DYM: variants seen among roughly 807,000 people sequenced by gnomAD.
DYM encodes dymeclin.
Under a neutral mutation model 93.1 loss-of-function variants are expected in DYM, and 78 were observed. That is an observed-to-expected ratio of 0.84 (90% CI 0.70 to 1.01). The LOEUF (loss-of-function observed/expected upper bound fraction) is 1.01. Among genes scored for constraint, DYM ranks in the 50% least tolerant of loss-of-function variants. The probability of loss-of-function intolerance (pLI) is 0.00; values close to 1 mark genes in which losing one functional copy is unlikely to be tolerated. For synonymous variants in DYM, 321 were observed against 319.7 expected, an observed-to-expected ratio of 1.00 and a Z score of -0.04; for missense variants, 789 against 845.0, an observed-to-expected ratio of 0.93 and a Z score of 0.82.
rs1357308259 is a variant in DYM, at chr18:49,040,419, G to A, written c.*3636C>T. On this transcript the variant is annotated 3_prime_UTR_variant, in exon 18 of 18. Transcript: ENST00000675505. ...GAGTGGGAACTCTGAATAGCTATAC[G>A]CTAATGAGATTAAATTTTATGCTTT... Among the ~76,000 whole-genome samples, 1 of 152,172 alleles carries A rather than the reference G, an allele frequency of 6.6e-6. No homozygotes were observed. Among genetic ancestry groups the A allele is most frequent in the East Asian group, 1.9e-4 (1 of 5,202 alleles).
chr18:49,103,029 C>G (rs1264324515), intron 16 of DYM, among the ~76,000 whole-genome samples: 1 of 152,218 alleles, frequency 6.6e-6, no homozygotes, highest in Admixed American at 6.5e-5. Context: ...TACAGTCCCA[C>G]CAACAGTGTA....
Position 49,063,346 on chromosome 18 carries a change from C to A in DYM, c.2026-19142G>T, listed in dbSNP as rs567278471. Among the ~76,000 whole-genome samples, 9 of 149,676 alleles carry A rather than the reference C, an allele frequency of 6.0e-5. No homozygotes were observed. In the South Asian group the frequency reaches 1.9e-3, roughly 32 times the overall value. ...TTTTAAATCCATGCCTAAAGAATTTCCCTCTTACTAAAAACCTTGGGAAAT... is the reference window on the plus strand; with the variant it reads ...TTTTAAATCCATGCCTAAAGAATTTACCTCTTACTAAAAACCTTGGGAAAT... On this transcript the variant is annotated intron_variant, in intron 17 of 17. Coordinates refer to ENST00000675505, the MANE Select transcript of DYM (RefSeq NM_001353214.3).
intron 11 of DYM, among the ~76,000 whole-genome samples, chr18:49,261,380 T>A (rs2094487624): frequency 6.6e-6 from 1 of 152,212 alleles, no homozygotes; most frequent in African/African-American, 2.4e-5. Context: ...GTAAAAAATA[T>A]AAAAGTTTGG....
intron 10 of DYM, 110 bp downstream of exon 10, chr18:49,281,887 G>A (rs2094989264): frequency 1.9e-6 from 2 of 1,043,746 alleles, no homozygotes; most frequent in African/African-American, 3.2e-5. Flanking sequence ...ACACCAACAT[G>A]GCACATGTAT....
intron 17 of DYM, among the ~76,000 whole-genome samples, chr18:49,059,008 A>G (rs2075733847): frequency 1.3e-5 from 2 of 152,238 alleles, no homozygotes; most frequent in Admixed American, 1.3e-4. Context: ...AGGAAGACAG[A>G]ATGATGTGCT....
intron 8 of DYM, among the ~76,000 whole-genome samples, chr18:49,311,588 G>A (rs989682672): frequency 3.0e-4 from 45 of 152,208 alleles, no homozygotes; most frequent in Admixed American, 2.2e-3. Flanking sequence ...GGACATCGAT[G>A]AAGCTGGAAA....
intron 16 of DYM, among the ~76,000 whole-genome samples, chr18:49,098,870 G>C (rs1370568903): frequency 6.6e-6 from 1 of 152,106 alleles, no homozygotes; most frequent in African/African-American, 2.4e-5. Context: ...AAAACATATT[G>C]TAATAGATTA....
chr18:49,134,296 C>T (rs1005707541), intron 15 of DYM, among the ~76,000 whole-genome samples: 3 of 152,164 alleles, frequency 2.0e-5, no homozygotes, highest in African/African-American at 7.2e-5. Flanking sequence ...TCTAGCGAAG[C>T]AGCAGGAGTA....
intron 10 of DYM, among the ~76,000 whole-genome samples, chr18:49,281,175 T>C (rs1385979506): frequency 1.3e-5 from 2 of 152,268 alleles, no homozygotes; most frequent in East Asian, 1.9e-4. Context: ...AAGAAGACAT[T>C]TATGCAGCCA....
chr18:49,309,686 T>A (rs1328238706), intron 8 of DYM, among the ~76,000 whole-genome samples: 2 of 152,188 alleles, frequency 1.3e-5, no homozygotes, highest in Non-Finnish European at 2.9e-5. Flanking sequence ...AAACCATAGA[T>A]ATATAAAGTA....
chr18:49,370,321 T>C (rs1447538741), intron 5 of DYM, among the ~76,000 whole-genome samples: 2 of 150,354 alleles, frequency 1.3e-5, no homozygotes, highest in African/African-American at 4.9e-5. Context: ...TAACTCCCTC[T>C]CTGGGCTCTT....
At chr18:49,053,301 C>T (rs577620007) in intron 17 of DYM, among the ~76,000 whole-genome samples, 1 of 152,282 alleles carries the variant, frequency 6.6e-6, no homozygotes, top group African/African-American at 2.4e-5. Flanking sequence ...GTTCAGTGAA[C>T]AGATGGAGGG....
At chr18:49,408,501 C>T (rs2071797635) in intron 2 of DYM, among the ~76,000 whole-genome samples, 1 of 152,160 alleles carries the variant, frequency 6.6e-6, no homozygotes. Context: ...AATTATATTC[C>T]AGAAAGATTA....
intron 14 of DYM, among the ~76,000 whole-genome samples, chr18:49,199,003 A>G (rs1222543852): frequency 6.6e-6 from 1 of 152,208 alleles, no homozygotes; most frequent in Non-Finnish European, 1.5e-5. Context: ...GATAGACTGG[A>G]TTAAGAAAAT....
chr18:49,364,869 C>T (rs929643067), intron 5 of DYM, among the ~76,000 whole-genome samples: 4 of 152,186 alleles, frequency 2.6e-5, no homozygotes, highest in African/African-American at 9.6e-5. Flanking sequence ...TCTGAACCAT[C>T]CTCAGTTTCA....
intron 16 of DYM, among the ~76,000 whole-genome samples, chr18:49,101,211 A>T (rs2080101760): frequency 6.6e-6 from 1 of 152,214 alleles, no homozygotes; most frequent in Non-Finnish European, 1.5e-5. Context: ...AATAACAGAA[A>T]ACATTCAAGT....
chr18:49,119,036 T>C (rs2082153695), intron 15 of DYM, 110 bp from the exon 16 acceptor site: 4 of 894,848 alleles, frequency 4.5e-6, no homozygotes, highest in African/African-American at 1.7e-5. Context: ...GGAAAGATCA[T>C]GAAGAGAAGA....
In DYM at chr18:49,281,608, G is replaced by A. The variant is rs528465110; in HGVS notation, c.1125+389C>T. The stretch of plus-strand genomic sequence containing the variant: ...GAAAATGTGGCACATATACACCATG[G>A]AATACTATGCAGCCATAAAAAAGGA... On this transcript the variant is annotated intron_variant, in intron 10 of 17. Coordinates refer to ENST00000675505, the MANE Select transcript of DYM (RefSeq NM_001353214.3). Among the ~76,000 whole-genome samples, 6 of 152,298 alleles carry A rather than the reference G, an allele frequency of 3.9e-5. No individual in the cohort carries two copies. The East Asian group carries it at 7.7e-4, about 20-fold the overall frequency.
At chr18:49,421,274 G>A (rs577713857) in intron 2 of DYM, among the ~76,000 whole-genome samples, 5 of 152,090 alleles carry the variant, frequency 3.3e-5, no homozygotes, top group Admixed American at 3.3e-4. Context: ...CACCTCATAC[G>A]GCCAGGTGCC....
Sources: allele counts gnomAD v4.1 joint callset (sites outside exome capture counted in the v4.1 genomes callset), GRCh38; gene constraint gnomAD v4.1.1; transcripts MANE v1.5; gene names NCBI Gene and HGNC (gene_info 2026-07-23, HGNC 2026-07-21).